The following BAP1 variants were observed in gnomAD, a reference collection of about 807,000 sequenced individuals.
BAP1 encodes the protein ubiquitin carboxyl-terminal hydrolase BAP1.
A neutral mutation model predicts 77.2 loss-of-function variants in BAP1; 16 were observed. That is an observed-to-expected ratio of 0.21 (90% confidence interval 0.14 to 0.31). The LOEUF (loss-of-function observed/expected upper bound fraction) is 0.31. Ranked by LOEUF, BAP1 falls within the 10% of genes least tolerant of loss-of-function variation. BAP1 has a pLI of 1.00. For synonymous variants in BAP1, 362 were observed against 385.2 expected (o/e 0.94, Z 0.71); for missense variants, 699 against 967.3 (o/e 0.72, Z 3.68).
Position 52,403,069 on chromosome 3 carries a change from C to T in BAP1, c.1890+69G>A. On this transcript the variant is annotated intron_variant, in intron 14 of 16. Coordinates refer to ENST00000460680, the MANE Select transcript of BAP1 (RefSeq NM_004656.4). The surrounding 1 kb of genome is among the most constrained non-coding windows in gnomAD (Gnocchi z 4.0). ...CAAAGTTCCAATCAAGAACTTGGCACCTGGGCAGGAGGAGCTCAGGCCTTA... is the reference window on the plus strand; with the variant it reads ...CAAAGTTCCAATCAAGAACTTGGCATCTGGGCAGGAGGAGCTCAGGCCTTA... 6.2e-7 allele frequency: 1 copy of T among 1,602,958 alleles called. No homozygotes were observed. Among genetic ancestry groups the T allele is most frequent in the Non-Finnish European group, 8.5e-7 (1 of 1,178,296 alleles).
intron 5 of BAP1, among the ~76,000 whole-genome samples, 180 bp downstream of exon 5, chr3:52,407,778 A>G (rs1705212461): frequency 6.6e-6 from 1 of 152,250 alleles, no homozygotes; most frequent in South Asian, 2.1e-4. Context: ...CTTTCCCCGC[A>G]ACTGCATCTA....
rs755226613 is a variant in BAP1, at chr3:52,409,700, G to A, written c.67+14C>T. On this transcript the variant is annotated intron_variant, in intron 2 of 16. Transcript: ENST00000460680. ...CGCCACAGCCCCGGTCCGGCAGGGAGAAAAGGCTCTTACCGAAATCTTCCA... is the reference window on the plus strand; with the variant it reads ...CGCCACAGCCCCGGTCCGGCAGGGAAAAAAGGCTCTTACCGAAATCTTCCA... The A allele has an allele frequency of 5.4e-5, 87 of 1,614,058 alleles. No individual in the cohort carries two copies. The East Asian group carries it at 1.8e-3, about 34-fold the overall frequency.
At position 52,401,549 on chromosome 3, in the gene BAP1, A is replaced by G; in HGVS notation, c.*739T>C. On this transcript the variant is annotated 3_prime_UTR_variant, in exon 17 of 17. Coordinates refer to ENST00000460680, the MANE Select transcript of BAP1 (RefSeq NM_004656.4). Reference sequence around the variant, plus strand: ...AGAGCCCTAGAACCTTGCTATGGAGAGCAGTCTTGAACAGCCTGGCTAGAA... The same window carrying G: ...AGAGCCCTAGAACCTTGCTATGGAGGGCAGTCTTGAACAGCCTGGCTAGAA... The G allele has an allele frequency of 4.3e-6, 1 of 233,946 alleles. No homozygotes were observed. The highest frequency in any genetic ancestry group is 8.5e-6 in the Non-Finnish European group (1 of 118,288). 14.5% of individuals were successfully genotyped at this position (233,946 alleles called of 1,614,324 possible). A position where few individuals can be genotyped will look rare whatever the true frequency, so the allele number is the denominator to read the frequency against.
chr3:52,402,520 TCAGGAGAGGC>T lies in BAP1; in HGVS notation c.2056+72_2056+81del, dbSNP rs1237187247. 1 of 1,611,060 alleles carries T rather than the reference TCAGGAGAGGC, an allele frequency of 6.2e-7. No homozygotes were observed. Among genetic ancestry groups the T allele is most frequent in the African/African-American group, 1.3e-5 (1 of 74,828 alleles). On this transcript the variant is annotated intron_variant, in intron 16 of 16. Coordinates refer to ENST00000460680, the MANE Select transcript of BAP1 (RefSeq NM_004656.4). The surrounding 1 kb of genome is among the most constrained non-coding windows in gnomAD (Gnocchi z 5.3). ...CTGTGCCCCAAGGTCTGCTCAAGCC[TCAGGAGAGGC>T]CAGGGGAGGGGAGCTGAAGGACACG...
intron 9 of BAP1, 66 bp from the exon 10 acceptor site, chr3:52,405,978 G>T (rs2153227336): frequency 6.2e-7 from 1 of 1,605,692 alleles, no homozygotes; most frequent in East Asian, 2.2e-5. Flanking sequence ...AAATAGCTAA[G>T]GGCTGAGGAC....
intron 3 of BAP1, among the ~76,000 whole-genome samples, chr3:52,408,944 G>A (rs950744138): frequency 1.3e-5 from 2 of 152,210 alleles, no homozygotes; most frequent in Non-Finnish European, 2.9e-5. Context: ...AGTAAGACAA[G>A]AACAAAAACT....
chr3:52,409,460 G>A (rs1198417192), intron 3 of BAP1, 94 bp downstream of exon 3: 5 of 1,508,986 alleles, frequency 3.3e-6, no homozygotes, highest in Admixed American at 1.7e-5. Context: ...ACAACGTAGG[G>A]TTCCTGGCAC....
At position 52,407,169 on chromosome 3, in the gene BAP1, C is replaced by T. The variant is rs1189835434; in HGVS notation, c.580+5G>A. The T allele has an allele frequency of 6.2e-7, 1 of 1,613,682 alleles. No homozygotes were observed. Among genetic ancestry groups the T allele is most frequent in the African/African-American group, 1.3e-5 (1 of 74,920 alleles). On this transcript the variant is annotated splice_donor_5th_base_variant and intron_variant, in intron 7 of 16. Transcript: ENST00000460680. The stretch of plus-strand genomic sequence containing the variant: ...CCCAACAGGCCTCCAGCTCATGGTG[C>T]CTACCATGGTCAATGGGGTAGACCT...
Position 52,406,480 on chromosome 3 carries a change from TA to T in BAP1, c.660-105del. 1 of 1,545,748 alleles carries T rather than the reference TA, an allele frequency of 6.5e-7. No individual in the cohort carries two copies. The highest frequency in any genetic ancestry group is 8.8e-7 in the Non-Finnish European group (1 of 1,141,390). The stretch of plus-strand genomic sequence containing the variant: ...CTCCCTGCAGTCACACCTGCAGCTG[TA>T]GGTATAGGCCCCACCCCAACAGGCA... On this transcript the variant is annotated intron_variant, in intron 8 of 16. Transcript: ENST00000460680. This position sits in a 1 kb window ranked among gnomAD's most constrained non-coding sequence, Gnocchi z 4.6.
Position 52,403,952 on chromosome 3 carries a change from G to A in BAP1, c.1251-58C>T, listed in dbSNP as rs914758501. 6.3e-7 allele frequency: 1 copy of A among 1,579,394 alleles called. No homozygotes were observed. Among genetic ancestry groups the A allele is most frequent in the East Asian group, 2.2e-5 (1 of 44,714 alleles). Reference sequence around the variant, plus strand: ...ACGGGCCAGGTGACCATACCCAGCAGTACCCAGAATGGCTTAAATACATCC... The same window carrying A: ...ACGGGCCAGGTGACCATACCCAGCAATACCCAGAATGGCTTAAATACATCC... On this transcript the variant is annotated intron_variant, in intron 12 of 16. Coordinates refer to ENST00000460680, the MANE Select transcript of BAP1 (RefSeq NM_004656.4). This position sits in a 1 kb window ranked among gnomAD's most constrained non-coding sequence, Gnocchi z 4.0.
Position 52,406,558 on chromosome 3 carries a change from G to A in BAP1, c.660-182C>T, listed in dbSNP as rs1050106950. On this transcript the variant is annotated intron_variant, in intron 8 of 16. Transcript: ENST00000460680. This position sits in a 1 kb window ranked among gnomAD's most constrained non-coding sequence, Gnocchi z 4.6. ...CACCTGAGCTGGTACCTTCCAACAAGCTGTATGAGGGGCCTATCTGGAAGT... is the reference window on the plus strand; with the variant it reads ...CACCTGAGCTGGTACCTTCCAACAAACTGTATGAGGGGCCTATCTGGAAGT... The A allele has an allele frequency of 1.3e-5, 13 of 1,003,988 alleles. No homozygotes were observed. Among genetic ancestry groups the A allele is most frequent in the Non-Finnish European group, 1.6e-5 (11 of 674,240 alleles). 62.2% of individuals were successfully genotyped at this position (1,003,988 alleles called of 1,614,324 possible). A position where few individuals can be genotyped will look rare whatever the true frequency, so the allele number is the denominator to read the frequency against.
At position 52,406,980 on chromosome 3, in the gene BAP1, G is replaced by T; in HGVS notation, c.581-73C>A. The T allele has an allele frequency of 1.3e-6, 2 of 1,513,458 alleles. No individual in the cohort carries two copies. Among genetic ancestry groups the T allele is most frequent in the Non-Finnish European group, 1.8e-6 (2 of 1,111,304 alleles). 93.8% of individuals were successfully genotyped at this position (1,513,458 alleles called of 1,614,324 possible). ...TGGGCAGGCCAGGAGTGGGAAGGAA[G>T]ACAGAGAAGAGCAGTTGAGCCAGGG... On this transcript the variant is annotated intron_variant, in intron 7 of 16. Coordinates refer to ENST00000460680, the MANE Select transcript of BAP1 (RefSeq NM_004656.4). The surrounding 1 kb of genome is among the most constrained non-coding windows in gnomAD (Gnocchi z 4.6).
At position 52,403,025 on chromosome 3, in the gene BAP1, CAG is replaced by C. The variant is rs1192192010; in HGVS notation, c.1890+111_1890+112del. ...CAGAAAGTCTTCTGGCACATGGCTCCAGCCACCAATCTTCACACCAAAGTTCC... is the reference window on the plus strand; with the variant it reads ...CAGAAAGTCTTCTGGCACATGGCTCCCCACCAATCTTCACACCAAAGTTCC... On this transcript the variant is annotated intron_variant, in intron 14 of 16. Coordinates refer to ENST00000460680, the MANE Select transcript of BAP1 (RefSeq NM_004656.4). The surrounding 1 kb of genome is among the most constrained non-coding windows in gnomAD (Gnocchi z 4.0). 5.0e-5 allele frequency: 80 copies of C among 1,597,260 alleles called. No individual in the cohort carries two copies. Among genetic ancestry groups the C allele is most frequent in the Non-Finnish European group, 6.7e-5 (79 of 1,176,492 alleles).
Position 52,406,918 on chromosome 3 carries a change from C to T in BAP1, c.581-11G>A, listed in dbSNP as rs1404111061. On this transcript the variant is annotated splice_polypyrimidine_tract_variant and intron_variant, in intron 7 of 16. Transcript: ENST00000460680. The surrounding 1 kb of genome is among the most constrained non-coding windows in gnomAD (Gnocchi z 4.6). ...CCTCCCCCCAGGGCCCTAGTGGAGACCAAGACAAGGAATCAGCGAGAAGGA... is the reference window on the plus strand; with the variant it reads ...CCTCCCCCCAGGGCCCTAGTGGAGATCAAGACAAGGAATCAGCGAGAAGGA... 3 of 1,568,396 alleles carry T rather than the reference C, an allele frequency of 1.9e-6. No homozygotes were observed. Among genetic ancestry groups the T allele is most frequent in the African/African-American group, 1.4e-5 (1 of 73,786 alleles).
Position 52,406,685 on chromosome 3 carries a change from C to G in BAP1, c.659+144G>C. On this transcript the variant is annotated intron_variant, in intron 8 of 16. Coordinates refer to ENST00000460680, the MANE Select transcript of BAP1 (RefSeq NM_004656.4). The surrounding 1 kb of genome is among the most constrained non-coding windows in gnomAD (Gnocchi z 4.6). Reference sequence around the variant, plus strand: ...GCAGCCCAGGCAGGAAATAAGACAACAAGTTGAGAACCCATGATCTAAGCC... The same window carrying G: ...GCAGCCCAGGCAGGAAATAAGACAAGAAGTTGAGAACCCATGATCTAAGCC... 9.3e-7 allele frequency: 1 copy of G among 1,077,076 alleles called. No individual in the cohort carries two copies. Among genetic ancestry groups the G allele is most frequent in the South Asian group, 1.4e-5 (1 of 71,718 alleles). The allele number at this position is 1,077,076 out of a possible 1,614,324, so 66.7% of individuals were successfully genotyped here.
chr3:52,402,891 C>T lies in BAP1; in HGVS notation c.1891-20G>A. 1.2e-6 allele frequency: 2 copies of T among 1,614,092 alleles called. No homozygotes were observed. Among genetic ancestry groups the T allele is most frequent in the Non-Finnish European group, 1.7e-6 (2 of 1,180,036 alleles). On this transcript the variant is annotated intron_variant, in intron 14 of 16. Transcript: ENST00000460680. The surrounding 1 kb of genome is among the most constrained non-coding windows in gnomAD (Gnocchi z 5.3). Reference sequence around the variant, plus strand: ...CAGCTCCTGCCAAAACCCAGCATTGCACCTCTGATCGGGGCGGGCCAGCAA... The same window carrying T: ...CAGCTCCTGCCAAAACCCAGCATTGTACCTCTGATCGGGGCGGGCCAGCAA...
At chr3:52,407,546 TG>T in intron 5 of BAP1, 86 bp from the exon 6 acceptor site, 2 of 1,567,922 alleles carry the variant, frequency 1.3e-6, no homozygotes, top group East Asian at 2.2e-5. Flanking sequence ...GAGAGCAGCC[TG>T]GAGGCATTCC....
Position 52,402,351 on chromosome 3 carries a change from G to A in BAP1, c.2127C>T (p.Leu709=), listed in dbSNP as rs1412259769. ...RRRQGVSIGR[L]HKQRKPDRRK... ...GCCGGTCAGGCTTCCGCTGCTTGTGGAGCCGGCCGATGCTGACCCCTTGGC... is the reference window on the plus strand; with the variant it reads ...GCCGGTCAGGCTTCCGCTGCTTGTGAAGCCGGCCGATGCTGACCCCTTGGC... The change falls in exon 17 of 17, where the codon CTC becomes CTT. Residue 709 remains leucine, a synonymous_variant. Transcript: ENST00000460680. The surrounding 1 kb of genome is among the most constrained non-coding windows in gnomAD (Gnocchi z 5.3). The A allele has an allele frequency of 6.3e-7, 1 of 1,584,408 alleles. No individual in the cohort carries two copies. Among genetic ancestry groups the A allele is most frequent in the Non-Finnish European group, 8.6e-7 (1 of 1,166,718 alleles).
At chr3:52,408,405 C>T (rs1705232379) in intron 4 of BAP1, 69 bp downstream of exon 4, 1 of 1,581,310 alleles carries the variant, frequency 6.3e-7, no homozygotes, top group Admixed American at 1.8e-5. Context: ...TGTCTTCCTC[C>T]ATTTCCACTT....
Sources: gnomAD v4.1 joint callset for allele counts (sites outside exome capture counted in the v4.1 genomes callset) on GRCh38, gnomAD v4.1.1 for gene constraint, Gnocchi (gnomAD v3.1) non-coding constraint, MANE v1.5 for transcripts, NCBI Gene and HGNC (gene_info 2026-07-23, HGNC 2026-07-21) for gene names.